The following SGMS1 variants were observed in gnomAD, a reference collection of about 807,000 sequenced individuals.
SGMS1 encodes the protein phosphatidylcholine:ceramide cholinephosphotransferase 1.
In SGMS1, 13 loss-of-function variants were observed where a neutral mutation model predicts 46.2. The observed-to-expected ratio is 0.28, with a 90% CI of 0.18 to 0.45. SGMS1 has a LOEUF of 0.45. SGMS1 is among the 20% of genes least tolerant of loss of function. The pLI, the probability that SGMS1 is intolerant of heterozygous loss-of-function variation, is 1.00. For synonymous variants in SGMS1, 203 were observed against 187.8 expected (o/e 1.08, Z -0.66); for missense variants, 324 against 519.9 (o/e 0.62, Z 3.66).
At chr10:50,484,513 C>G (rs1216955954) in intron 3 of SGMS1, among the ~76,000 whole-genome samples, 4 of 152,076 alleles carry the variant, frequency 2.6e-5, no homozygotes, top group Non-Finnish European at 2.9e-5. Flanking sequence ...TCCAAACAAT[C>G]AAAGAGGAGA....
chr10:50,434,894 A>C (rs1213954987), intron 5 of SGMS1, among the ~76,000 whole-genome samples: 1 of 151,440 alleles, frequency 6.6e-6, no homozygotes, highest in Non-Finnish European at 1.5e-5. Context: ...AAAAAAAAAA[A>C]AAAAAGACAG....
intron 3 of SGMS1, among the ~76,000 whole-genome samples, chr10:50,499,985 G>A (rs1388279841): frequency 6.6e-6 from 1 of 152,160 alleles, no homozygotes; most frequent in Non-Finnish European, 1.5e-5. Context: ...TGACCAACAT[G>A]GTGAAATCCC....
At chr10:50,585,719 C>G (rs540802010) in intron 2 of SGMS1, among the ~76,000 whole-genome samples, 1 of 152,328 alleles carries the variant, frequency 6.6e-6, no homozygotes, top group South Asian at 2.1e-4. Flanking sequence ...TTTTACTATA[C>G]TTGATCTTAG....
At chr10:50,490,897 C>T (rs1738307526) in intron 3 of SGMS1, among the ~76,000 whole-genome samples, 1 of 152,174 alleles carries the variant, frequency 6.6e-6, no homozygotes, top group Admixed American at 6.5e-5. Flanking sequence ...AACCTAAATA[C>T]ACATGTTCCA....
At chr10:50,544,902 CTATTG>C in intron 2 of SGMS1, among the ~76,000 whole-genome samples, 1 of 152,274 alleles carries the variant, frequency 6.6e-6, no homozygotes, top group East Asian at 1.9e-4. Context: ...TGTGTTCCAA[CTATTG>C]ATACTACCTC....
intron 4 of SGMS1, among the ~76,000 whole-genome samples, chr10:50,461,658 T>G (rs1179104990): frequency 2.0e-5 from 3 of 152,134 alleles, no homozygotes; most frequent in African/African-American, 7.2e-5. Context: ...AGGACAATCG[T>G]TAACTCCTTA....
intron 1 of SGMS1, among the ~76,000 whole-genome samples, chr10:50,606,848 G>A (rs937955745): frequency 6.6e-6 from 1 of 152,162 alleles, no homozygotes; most frequent in Non-Finnish European, 1.5e-5. Flanking sequence ...GAACATTCCA[G>A]ATGTATCCTA....
At chr10:50,604,844 G>T (rs1459488898) in intron 1 of SGMS1, among the ~76,000 whole-genome samples, 1 of 96,270 alleles carries the variant, frequency 1.0e-5, no homozygotes, top group African/African-American at 3.7e-5. Context: ...TGACTAAAAA[G>T]ATCATACAAG....
chr10:50,528,635 AC>A (rs1291105880), intron 2 of SGMS1, among the ~76,000 whole-genome samples: 4 of 152,228 alleles, frequency 2.6e-5, no homozygotes, highest in Non-Finnish European at 5.9e-5. Flanking sequence ...GTGGTAGCTC[AC>A]ACCTGTAATC....
At chr10:50,461,063 C>T (rs1588839785) in intron 4 of SGMS1, among the ~76,000 whole-genome samples, 1 of 152,034 alleles carries the variant, frequency 6.6e-6, no homozygotes, top group East Asian at 1.9e-4. Context: ...AAAGCTTACT[C>T]CATCTTTTCT....
upstream of SGMS1, chr10:50,624,230 T>C (rs2131955475): frequency 1.7e-6 from 1 of 577,778 alleles, no homozygotes; most frequent in South Asian, 7.6e-5. Context: ...AGCCAGATTT[T>C]ACAATCTGGG....
intron 2 of SGMS1, among the ~76,000 whole-genome samples, chr10:50,527,011 G>A (rs1219059913): frequency 6.9e-6 from 1 of 145,112 alleles, no homozygotes; most frequent in East Asian, 2.0e-4. Flanking sequence ...GTTGCAGTGA[G>A]CCGAGATATC....
At chr10:50,405,808 A>C (rs1342326413) in intron 6 of SGMS1, among the ~76,000 whole-genome samples, 5 of 152,238 alleles carry the variant, frequency 3.3e-5, no homozygotes, top group Non-Finnish European at 7.3e-5. Context: ...AATGTCATTT[A>C]GCTGAATGTC....
At chr10:50,623,968 C>T, upstream of SGMS1, 5 of 985,480 alleles carry the variant, frequency 5.1e-6, no homozygotes, top group Non-Finnish European at 6.0e-6. Flanking sequence ...CCGAGCATGC[C>T]CAGTCCGCTG....
intron 1 of SGMS1, among the ~76,000 whole-genome samples, chr10:50,611,594 C>T (rs1838750056): frequency 6.6e-6 from 1 of 152,218 alleles, no homozygotes; most frequent in Non-Finnish European, 1.5e-5. Flanking sequence ...CCTCACTGCC[C>T]TCACCTACTC....
intron 3 of SGMS1, among the ~76,000 whole-genome samples, chr10:50,486,721 T>C (rs2133730566): frequency 6.6e-6 from 1 of 152,314 alleles, no homozygotes. Context: ...GGAATGTAAA[T>C]TCATTCAACC....
chr10:50,319,464 C>A (rs993328043), intron 8 of SGMS1, among the ~76,000 whole-genome samples: 2 of 152,180 alleles, frequency 1.3e-5, no homozygotes, highest in Admixed American at 1.3e-4. Context: ...TCAAACTACT[C>A]GATAGTGTCA....
chr10:50,519,665 A>C (rs994111771), intron 3 of SGMS1, among the ~76,000 whole-genome samples, 166 bp downstream of exon 3: 1 of 152,186 alleles, frequency 6.6e-6, no homozygotes, highest in Non-Finnish European at 1.5e-5. Flanking sequence ...CAAACCACAC[A>C]GGCCTTTTGT....
chr10:50,544,795 C>T (rs1374444530), intron 2 of SGMS1, among the ~76,000 whole-genome samples: 2 of 152,166 alleles, frequency 1.3e-5, no homozygotes, highest in African/African-American at 2.4e-5. Context: ...CTCAGAAACT[C>T]GGTCCCAACA....
Sources: allele counts gnomAD v4.1 joint callset (sites outside exome capture counted in the v4.1 genomes callset), GRCh38; gene constraint gnomAD v4.1.1; transcripts MANE v1.5; gene names NCBI Gene and HGNC (gene_info 2026-07-23, HGNC 2026-07-21).